GPM6A: variants seen among roughly 807,000 people sequenced by gnomAD.
GPM6A encodes glycoprotein M6A.
GPM6A carries 7 observed loss-of-function variants against 32.1 expected under a neutral mutation model. The ratio of observed to expected loss-of-function variants is 0.22; its 90% CI spans 0.12 to 0.41. GPM6A has a LOEUF of 0.41. Among genes scored for constraint, GPM6A ranks in the 10% least tolerant of loss-of-function variants. GPM6A has a pLI of 1.00. For synonymous variants in GPM6A, 130 were observed against 123.4 expected, an observed-to-expected ratio of 1.05 and a Z score of -0.35; for missense variants, 235 against 347.2, an observed-to-expected ratio of 0.68 and a Z score of 2.57.
chr4:175,922,118 C>A (rs940872967), intron 1 of GPM6A, among the ~76,000 whole-genome samples: 2 of 152,112 alleles, frequency 1.3e-5, no homozygotes, highest in Non-Finnish European at 2.9e-5. Flanking sequence ...TAAAATGGAG[C>A]TTCTAATACA....
At chr4:175,947,706 A>T (rs1277524903) in intron 1 of GPM6A, 2 of 152,150 alleles carry the variant, frequency 1.3e-5, no homozygotes, top group African/African-American at 4.8e-5. Flanking sequence ...CAGCTAAAAT[A>T]AAAAAACACA....
chr4:175,890,492 T>TATTTC (rs1737607371), intron 1 of GPM6A, among the ~76,000 whole-genome samples: 1 of 76,942 alleles, frequency 1.3e-5, no homozygotes, highest in Non-Finnish European at 2.4e-5. Context: ...AGAGCAATTT[T>TATTTC]ATTTTATTTT....
At chr4:175,639,734 T>C (rs1443619063) in intron 6 of GPM6A, among the ~76,000 whole-genome samples, 3 of 152,228 alleles carry the variant, frequency 2.0e-5, no homozygotes, top group African/African-American at 4.8e-5. Context: ...TTTAATAACC[T>C]AATTTGTTTT....
At chr4:175,962,055 G>A in intron 1 of GPM6A, 2 of 708,072 alleles carry the variant, frequency 2.8e-6, no homozygotes, top group Admixed American at 1.9e-5. Context: ...AATTTCTAGG[G>A]AACCAGATGT....
At chr4:175,638,804 T>C (rs1740963320) in intron 6 of GPM6A, among the ~76,000 whole-genome samples, 1 of 152,156 alleles carries the variant, frequency 6.6e-6, no homozygotes, top group Admixed American at 6.6e-5. Flanking sequence ...AATGGGTGTA[T>C]GAACACAAGG....
At chr4:175,743,941 C>T (rs1317311326) in intron 1 of GPM6A, among the ~76,000 whole-genome samples, 1 of 144,664 alleles carries the variant, frequency 6.9e-6, no homozygotes, top group African/African-American at 2.5e-5. Context: ...AGCAGTTGTA[C>T]ATCAATATCT....
At chr4:175,646,884 C>T (rs563019156) in intron 4 of GPM6A, among the ~76,000 whole-genome samples, 16 of 152,262 alleles carry the variant, frequency 1.1e-4, no homozygotes, top group South Asian at 8.3e-4. Flanking sequence ...TATATGACCC[C>T]ACCACCAATT....
At chr4:175,698,608 A>G (rs985161790) in intron 2 of GPM6A, among the ~76,000 whole-genome samples, 2 of 152,148 alleles carry the variant, frequency 1.3e-5, no homozygotes, top group African/African-American at 4.8e-5. Context: ...TTTACAGTAC[A>G]TATTTTCCCT....
chr4:175,775,183 C>CA (rs1301093109), intron 1 of GPM6A, among the ~76,000 whole-genome samples: 1 of 152,098 alleles, frequency 6.6e-6, no homozygotes, highest in East Asian at 1.9e-4. Flanking sequence ...GAAGCATCTC[C>CA]AAAATGTTTG....
At chr4:175,958,028 G>A (rs1740044239) in intron 1 of GPM6A, among the ~76,000 whole-genome samples, 1 of 152,168 alleles carries the variant, frequency 6.6e-6, no homozygotes, top group African/African-American at 2.4e-5. Flanking sequence ...GAGTAGCTGG[G>A]ATTCCAGGCA....
chr4:175,908,106 G>A (rs1738190453), intron 1 of GPM6A, among the ~76,000 whole-genome samples: 1 of 152,068 alleles, frequency 6.6e-6, no homozygotes, highest in Admixed American at 6.6e-5. Flanking sequence ...TAACTATTTG[G>A]CCATAGTTAT....
intron 1 of GPM6A, among the ~76,000 whole-genome samples, chr4:175,981,138 G>T (rs1230847141): frequency 6.6e-6 from 1 of 151,904 alleles, no homozygotes; most frequent in Non-Finnish European, 1.5e-5. Context: ...TGGGGAAATA[G>T]TTTTTATTTT....
chr4:175,733,538 C>G (rs1204075240), intron 1 of GPM6A, among the ~76,000 whole-genome samples: 1 of 151,962 alleles, frequency 6.6e-6, no homozygotes, highest in Non-Finnish European at 1.5e-5. Flanking sequence ...AAACTAAACT[C>G]AATTGCCCTT....
chr4:175,910,340 G>C (rs192535231), intron 1 of GPM6A, among the ~76,000 whole-genome samples: 4 of 152,176 alleles, frequency 2.6e-5, no homozygotes, highest in Non-Finnish European at 4.4e-5. Context: ...TGAAACTCAT[G>C]TAATAATAAA....
At position 175,722,154 on chromosome 4, in the gene GPM6A, G is replaced by C. The variant is rs113688992; in HGVS notation, c.38-20387C>G. On this transcript the variant is annotated intron_variant, in intron 1 of 6. Coordinates refer to ENST00000393658, the MANE Select transcript of GPM6A (RefSeq NM_201591.3). ...GTACAAAAATTAGCCTGGTGCGGGGGTGTGCACTTGTAGTCCCAGCTACTT... is the reference window on the plus strand; with the variant it reads ...GTACAAAAATTAGCCTGGTGCGGGGCTGTGCACTTGTAGTCCCAGCTACTT... 5.9e-5 allele frequency among the ~76,000 whole-genome samples: 9 copies of C among 152,094 alleles called. 1 individual carries two copies. The highest frequency in any genetic ancestry group is 2.2e-4 in the African/African-American group (9 of 41,486).
chr4:175,636,272 A>ATATATATG (rs1740590992), intron 6 of GPM6A, among the ~76,000 whole-genome samples: 1 of 99,238 alleles, frequency 1.0e-5, no homozygotes, highest in Admixed American at 9.9e-5. Flanking sequence ...ATATATATAT[A>ATATATATG]TATATATATA....
At chr4:175,950,846 C>T (rs1739783949) in intron 1 of GPM6A, among the ~76,000 whole-genome samples, 1 of 151,976 alleles carries the variant, frequency 6.6e-6, no homozygotes, top group African/African-American at 2.4e-5. Context: ...AATTATCAGC[C>T]ATAATTTCAA....
At chr4:175,970,757 G>T in intron 1 of GPM6A, 1 of 415,978 alleles carries the variant, frequency 2.4e-6, no homozygotes, top group South Asian at 1.8e-5. Context: ...ACATTAAAAG[G>T]AAGGAATTGC....
At chr4:175,966,168 A>G (rs1740329145) in intron 1 of GPM6A, among the ~76,000 whole-genome samples, 1 of 151,914 alleles carries the variant, frequency 6.6e-6, no homozygotes, top group Admixed American at 6.6e-5. Flanking sequence ...GCACTTTTGG[A>G]GGCAGAGGTG....
Sources: allele counts gnomAD v4.1 joint callset (sites outside exome capture counted in the v4.1 genomes callset), GRCh38; gene constraint gnomAD v4.1.1; transcripts MANE v1.5; gene names NCBI Gene and HGNC (gene_info 2026-07-23, HGNC 2026-07-21).